The following TMEM26 variants were observed in gnomAD, a reference collection of about 807,000 sequenced individuals.
TMEM26 encodes the protein transmembrane protein 26.
Under a neutral mutation model 28.8 loss-of-function variants are expected in TMEM26, and 38 were observed. The observed-to-expected ratio is 1.32, with a 90% CI of 1.02 to 1.73. TMEM26 has a LOEUF of 1.73. Among genes scored for constraint, TMEM26 ranks in the 40% most tolerant of loss-of-function variants. The pLI is 0.00. For synonymous variants in TMEM26, 227 were observed against 182.9 expected (o/e 1.24, Z -1.95); for missense variants, 518 against 447.1 (o/e 1.16, Z -1.43).
intron 4 of TMEM26, chr10:61,415,249 T>C: frequency 1.5e-6 from 1 of 646,912 alleles, no homozygotes; most frequent in Non-Finnish European, 1.9e-6. Context: ...GTTATCTAAT[T>C]ATGAGTCCAC....
Position 61,410,561 on chromosome 10 carries a change from CA to C in TMEM26, c.867del (p.Phe289LeufsTer27), listed in dbSNP as rs1238392846. On this transcript the variant is annotated frameshift_variant, in exon 6 of 6. Transcript: ENST00000399298. LOFTEE classifies it low-confidence loss of function (END_TRUNC). ...FKVINQMLVF[F>X]AAKNFLVVVL... is the part of the protein sequence containing the mutation. Reference sequence around the variant, plus strand: ...ACCACCACGAGGAAGTTCTTCGCGGCAAAGAACACCAGCATCTGATTGATCA... The same window carrying C: ...ACCACCACGAGGAAGTTCTTCGCGGCAAGAACACCAGCATCTGATTGATCA... 1.9e-6 allele frequency: 3 copies of C among 1,614,000 alleles called. No homozygotes were observed. The highest frequency in any genetic ancestry group is 2.5e-6 in the Non-Finnish European group (3 of 1,180,038).
intron 1 of TMEM26, among the ~76,000 whole-genome samples, chr10:61,444,347 A>G (rs750530285): frequency 2.6e-5 from 4 of 152,238 alleles, no homozygotes; most frequent in Non-Finnish European, 5.9e-5. Context: ...CTCTGAGAAA[A>G]TAAAATGCAT....
chr10:61,447,290 T>C (rs1163224527), intron 1 of TMEM26, among the ~76,000 whole-genome samples: 1 of 152,242 alleles, frequency 6.6e-6, no homozygotes, highest in Non-Finnish European at 1.5e-5. Flanking sequence ...GGAAAGCACA[T>C]ATTATCACAT....
chr10:61,417,273 G>C (rs575398881), intron 4 of TMEM26, among the ~76,000 whole-genome samples: 1 of 152,008 alleles, frequency 6.6e-6, no homozygotes, highest in East Asian at 1.9e-4. Flanking sequence ...TTTAATTATT[G>C]ACATTAGTAT....
chr10:61,417,948 CA>C (rs1400011768), intron 4 of TMEM26, among the ~76,000 whole-genome samples: 3 of 151,932 alleles, frequency 2.0e-5, no homozygotes, highest in Non-Finnish European at 4.4e-5. Flanking sequence ...GAAAATCAAC[CA>C]AAGTCAAACA....
intron 1 of TMEM26, among the ~76,000 whole-genome samples, chr10:61,447,494 G>A (rs1183129697): frequency 2.0e-5 from 3 of 152,136 alleles, no homozygotes; most frequent in Non-Finnish European, 4.4e-5. Context: ...GATCAATTTA[G>A]GATAGAATCC....
At chr10:61,431,097 C>T in intron 3 of TMEM26, 122 bp downstream of exon 3, 4 of 731,336 alleles carry the variant, frequency 5.5e-6, no homozygotes, top group South Asian at 1.9e-5. Flanking sequence ...ATTCCTAAGC[C>T]AAACAATGGA....
rs999700405 is a variant in TMEM26, at chr10:61,407,907, T to A, written c.*2415A>T. Reference sequence around the variant, plus strand: ...GTCCACACATGGGAGGTAATTGATGTTCTAGCCACTTTATAACAAACAGTT... The same window carrying A: ...GTCCACACATGGGAGGTAATTGATGATCTAGCCACTTTATAACAAACAGTT... On this transcript the variant is annotated 3_prime_UTR_variant, in exon 6 of 6. Transcript: ENST00000399298. 4 of 152,164 alleles carry A rather than the reference T, an allele frequency of 2.6e-5. No individual in the cohort carries two copies. Among genetic ancestry groups the A allele is most frequent in the Admixed American group, 2.6e-4 (4 of 15,270 alleles). The allele number at this position is 152,164 out of a possible 1,614,324, so 9.4% of individuals were successfully genotyped here. A position where few individuals can be genotyped will look rare whatever the true frequency, so the allele number is the denominator to read the frequency against.
At chr10:61,413,668 C>T in intron 4 of TMEM26, 133 bp from the exon 5 acceptor site, 1 of 1,313,820 alleles carries the variant, frequency 7.6e-7, no homozygotes, top group South Asian at 2.4e-5. Context: ...TTTAATAAAT[C>T]AATGAAAAAA....
chr10:61,410,834 G>A (rs1434008936), intron 5 of TMEM26, 88 bp from the exon 6 acceptor site: 3 of 1,240,294 alleles, frequency 2.4e-6, no homozygotes, highest in Non-Finnish European at 3.4e-6. Flanking sequence ...TTAACAATGG[G>A]GACTGTGCTA....
chr10:61,437,970 T>C (rs1314317052), intron 1 of TMEM26, among the ~76,000 whole-genome samples: 2 of 152,122 alleles, frequency 1.3e-5, no homozygotes, highest in Admixed American at 1.3e-4. Flanking sequence ...TTGTTCGAGA[T>C]GAAATGTTAC....
chr10:61,421,233 T>A (rs1839741851), intron 4 of TMEM26, among the ~76,000 whole-genome samples: 1 of 150,624 alleles, frequency 6.6e-6, no homozygotes, highest in Admixed American at 6.6e-5. Context: ...TAACAAGAAA[T>A]TGACTTAAAA....
chr10:61,420,007 T>G (rs1589028721), intron 4 of TMEM26, among the ~76,000 whole-genome samples: 2 of 152,274 alleles, frequency 1.3e-5, no homozygotes, highest in Admixed American at 1.3e-4. Context: ...TTAAGGGAAC[T>G]GACCTCCCCA....
At chr10:61,415,008 G>T in intron 4 of TMEM26, 2 of 985,336 alleles carry the variant, frequency 2.0e-6, no homozygotes, top group Non-Finnish European at 2.4e-6. Context: ...TGAAGGCTGT[G>T]CTTTTGATTC....
At chr10:61,442,013 C>T (rs7088978) in intron 1 of TMEM26, among the ~76,000 whole-genome samples, 14,845 of 151,814 alleles carry the variant, frequency 0.098, 1,544 homozygotes, top group African/African-American at 0.26. Context: ...TATATATTTA[C>T]TTGTTTACTT....
chr10:61,427,690 C>T (rs1013674828), intron 4 of TMEM26, among the ~76,000 whole-genome samples: 1 of 152,068 alleles, frequency 6.6e-6, no homozygotes, highest in African/African-American at 2.4e-5. Flanking sequence ...ACCTCTTCTA[C>T]TATCCTATGT....
chr10:61,445,426 G>A (rs964291047), intron 1 of TMEM26, among the ~76,000 whole-genome samples: 2 of 152,170 alleles, frequency 1.3e-5, no homozygotes, highest in African/African-American at 4.8e-5. Context: ...AAGGATGACC[G>A]ATTTTTATTC....
intron 4 of TMEM26, among the ~76,000 whole-genome samples, chr10:61,424,533 TA>T (rs1159348415): frequency 6.6e-6 from 1 of 152,200 alleles, no homozygotes; most frequent in Non-Finnish European, 1.5e-5. Flanking sequence ...CATAGTAAGT[TA>T]TTTTTTTAAT....
At chr10:61,434,939 A>G (rs1269361568) in intron 2 of TMEM26, among the ~76,000 whole-genome samples, 1 of 152,198 alleles carries the variant, frequency 6.6e-6, no homozygotes, top group Non-Finnish European at 1.5e-5. Flanking sequence ...AAAGTATTTT[A>G]TCAGTGAAGT....
Sources: gnomAD v4.1 joint callset for allele counts (sites outside exome capture counted in the v4.1 genomes callset) on GRCh38, gnomAD v4.1.1 for gene constraint, MANE v1.5 for transcripts, NCBI Gene and HGNC (gene_info 2026-07-23, HGNC 2026-07-21) for gene names.